CDH8: variants seen among roughly 807,000 people sequenced by gnomAD.
CDH8 encodes cadherin 8.
In CDH8, 17 loss-of-function variants were observed where a neutral mutation model predicts 68.1. The observed-to-expected ratio is 0.25, with a 90% CI of 0.17 to 0.37. The LOEUF is 0.37. CDH8 is among the 10% of genes least tolerant of loss of function. The pLI, the probability that CDH8 is intolerant of heterozygous loss-of-function variation, is 1.00. For synonymous variants in CDH8, 372 were observed against 365.1 expected, an observed-to-expected ratio of 1.02 and a Z score of -0.21; for missense variants, 763 against 999.3, an observed-to-expected ratio of 0.76 and a Z score of 3.19.
At chr16:61,791,515 T>C (rs920475852) in intron 7 of CDH8, among the ~76,000 whole-genome samples, 19 of 152,098 alleles carry the variant, frequency 1.2e-4, no homozygotes, top group African/African-American at 4.6e-4. Flanking sequence ...TTCTGCATTA[T>C]ATTCATAAAT....
chr16:61,758,567 G>T (rs1200060206), intron 8 of CDH8, among the ~76,000 whole-genome samples: 21 of 152,020 alleles, frequency 1.4e-4, no homozygotes, highest in Non-Finnish European at 2.1e-4. Context: ...AAAGTAGCTG[G>T]GATTACAGGT....
At position 61,649,018 on chromosome 16, in the gene CDH8, T is replaced by C. The variant is rs796910744; in HGVS notation, c.*4590A>G. The C allele has an allele frequency of 4.6e-5, 7 of 152,006 alleles. No homozygotes were observed. The highest frequency in any genetic ancestry group is 1.7e-4 in the African/African-American group (7 of 41,420). 9.4% of individuals were successfully genotyped at this position (152,006 alleles called of 1,614,324 possible). A position where few individuals can be genotyped will look rare whatever the true frequency, so the allele number is the denominator to read the frequency against. On this transcript the variant is annotated 3_prime_UTR_variant, in exon 12 of 12. Transcript: ENST00000577390. ...AATAATTACAAGGGCAAATAATACA[T>C]TCAACACTGTTTGGCTGAGTAACAG...
At chr16:61,678,543 T>C (rs878855372) in intron 10 of CDH8, among the ~76,000 whole-genome samples, 1 of 151,882 alleles carries the variant, frequency 6.6e-6, no homozygotes, top group Non-Finnish European at 1.5e-5. Flanking sequence ...CTCTTTTTTT[T>C]ATACTTTAAG....
intron 2 of CDH8, among the ~76,000 whole-genome samples, chr16:62,002,171 G>C (rs554258266): frequency 2.0e-5 from 3 of 151,990 alleles, no homozygotes; most frequent in Non-Finnish European, 4.4e-5. Context: ...AGAAAAACAA[G>C]TTAATCAATT....
intron 7 of CDH8, among the ~76,000 whole-genome samples, chr16:61,796,439 G>A (rs370447103): frequency 2.0e-5 from 3 of 152,006 alleles, no homozygotes; most frequent in Non-Finnish European, 4.4e-5. Flanking sequence ...ACAGTAAGAA[G>A]AAACTTCTCA....
intron 4 of CDH8, among the ~76,000 whole-genome samples, chr16:61,830,512 T>C (rs544968044): frequency 1.8e-4 from 28 of 151,944 alleles, no homozygotes; most frequent in Non-Finnish European, 3.2e-4. Flanking sequence ...CAAATTAGTT[T>C]AATTTAAAGC....
intron 2 of CDH8, among the ~76,000 whole-genome samples, chr16:61,929,935 T>C (rs528214162): frequency 2.0e-5 from 3 of 152,110 alleles, no homozygotes; most frequent in East Asian, 3.9e-4. Context: ...AAAACACATG[T>C]CAATTACATG....
At chr16:61,973,598 G>C (rs920812153) in intron 2 of CDH8, among the ~76,000 whole-genome samples, 1 of 152,058 alleles carries the variant, frequency 6.6e-6, no homozygotes, top group African/African-American at 2.4e-5. Flanking sequence ...ACAACACAGA[G>C]CCCATGGCTT....
At chr16:61,827,171 AC>A (rs1222317662) in intron 4 of CDH8, among the ~76,000 whole-genome samples, 1 of 151,886 alleles carries the variant, frequency 6.6e-6, no homozygotes, top group Non-Finnish European at 1.5e-5. Flanking sequence ...CATTTTCATG[AC>A]CTAGAATGTT....
chr16:61,684,385 CT>C (rs1416714079), intron 10 of CDH8, among the ~76,000 whole-genome samples: 1 of 151,738 alleles, frequency 6.6e-6, no homozygotes, highest in Non-Finnish European at 1.5e-5. Context: ...AAGAAGAACC[CT>C]GAGAGTTTTT....
chr16:62,033,763 C>G (rs1469151459), intron 1 of CDH8, among the ~76,000 whole-genome samples: 1 of 151,884 alleles, frequency 6.6e-6, no homozygotes, highest in Non-Finnish European at 1.5e-5. Flanking sequence ...AGGTGAACTG[C>G]CACGGAAGGG....
intron 1 of CDH8, among the ~76,000 whole-genome samples, chr16:62,033,080 CCTGA>C (rs1902366102): frequency 6.6e-6 from 1 of 152,270 alleles, no homozygotes; most frequent in South Asian, 2.1e-4. Flanking sequence ...ATCTGTTCCT[CCTGA>C]CTAACAAGCA....
chr16:61,959,606 A>G (rs1463840057), intron 2 of CDH8, among the ~76,000 whole-genome samples: 1 of 151,244 alleles, frequency 6.6e-6, no homozygotes, highest in Non-Finnish European at 1.5e-5. Flanking sequence ...GTGTATATAT[A>G]TATATACGCA....
chr16:61,928,609 C>T (rs896911886), intron 2 of CDH8, among the ~76,000 whole-genome samples: 2 of 152,176 alleles, frequency 1.3e-5, no homozygotes, highest in Admixed American at 6.5e-5. Context: ...TGTACTAATG[C>T]TCCCACTAAC....
At chr16:61,668,818 T>G (rs944267021) in intron 10 of CDH8, among the ~76,000 whole-genome samples, 1 of 151,932 alleles carries the variant, frequency 6.6e-6, no homozygotes, top group African/African-American at 2.4e-5. Context: ...ATGAATTGAA[T>G]AGGTGCCTCT....
chr16:61,682,086 T>C (rs911260705), intron 10 of CDH8, among the ~76,000 whole-genome samples: 2 of 151,878 alleles, frequency 1.3e-5, no homozygotes, highest in African/African-American at 4.8e-5. Flanking sequence ...AACTTACTCT[T>C]CTATAACAAA....
chr16:61,930,551 G>C (rs1236631423), intron 2 of CDH8, among the ~76,000 whole-genome samples: 6 of 152,066 alleles, frequency 3.9e-5, no homozygotes, highest in Admixed American at 3.9e-4. Flanking sequence ...TATGCCAAAA[G>C]GACTGTAGGT....
chr16:61,693,866 C>G (rs1246121523), intron 10 of CDH8: 1 of 152,042 alleles, frequency 6.6e-6, no homozygotes, highest in African/African-American at 2.4e-5. Flanking sequence ...CATGTCAGGC[C>G]CTTTGCAGGC....
chr16:61,780,770 T>C (rs28673667), intron 8 of CDH8, among the ~76,000 whole-genome samples: 33,115 of 152,152 alleles, frequency 0.22, 4,113 homozygotes, highest in African/African-American at 0.35. Flanking sequence ...TTCTAAGCTA[T>C]GTTCATAGTA....
Sources: allele counts gnomAD v4.1 joint callset (sites outside exome capture counted in the v4.1 genomes callset), GRCh38; gene constraint gnomAD v4.1.1; transcripts MANE v1.5; gene names NCBI Gene and HGNC (gene_info 2026-07-23, HGNC 2026-07-21).